TRIM5: variants seen among roughly 807,000 people sequenced by gnomAD.
TRIM5 encodes tripartite motif containing 5, also known as tripartite motif-containing protein 5.
A neutral mutation model predicts 35.6 loss-of-function variants in TRIM5; 31 were observed. The ratio of observed to expected loss-of-function variants is 0.87; its 90% CI spans 0.65 to 1.18. The LOEUF (loss-of-function observed/expected upper bound fraction) is 1.18, where lower values mean the gene tolerates loss of function less well. Among genes scored for constraint, TRIM5 ranks in the 50% most tolerant of loss-of-function variants. The probability of loss-of-function intolerance (pLI) is 0.00; values close to 1 mark genes in which losing one functional copy is unlikely to be tolerated. For synonymous variants in TRIM5, 243 were observed against 215.6 expected (o/e 1.13, Z -1.11); for missense variants, 609 against 591.6 (o/e 1.03, Z -0.31).
At chr11:5,656,107 G>A in the TRIM5 span, among the ~76,000 whole-genome samples, 1 of 152,170 alleles carries the variant, frequency 6.6e-6, no homozygotes, top group Non-Finnish European at 1.5e-5. Context: ...AAGACTTCAT[G>A]ACTAAAACAC....
At chr11:5,665,710 A>G (rs1851079958) in intron 6 of TRIM5, 28 bp from the exon 7 acceptor site, 4 of 1,493,258 alleles carry the variant, frequency 2.7e-6, no homozygotes, top group Non-Finnish European at 3.5e-6. Context: ...CACAATATTG[A>G]ATACAAACAA....
the TRIM5 span, among the ~76,000 whole-genome samples, chr11:5,609,909 C>T: frequency 0.076 from 11,499 of 151,798 alleles, 633 homozygotes; most frequent in East Asian, 0.23. Context: ...GGTGACAGAG[C>T]GAGACTCCTT....
At chr11:5,627,878 T>C in the TRIM5 span, among the ~76,000 whole-genome samples, 20 of 152,252 alleles carry the variant, frequency 1.3e-4, no homozygotes, top group African/African-American at 4.8e-4. Flanking sequence ...AGAGACACTC[T>C]AATTTTACTA....
chr11:5,641,360 A>G, the TRIM5 span: 2 of 1,441,572 alleles, frequency 1.4e-6, no homozygotes, highest in East Asian at 5.1e-5. Context: ...TTCCGTAACT[A>G]TTAATGGACT....
chr11:5,601,747 G>A, the TRIM5 span, among the ~76,000 whole-genome samples: 1 of 152,196 alleles, frequency 6.6e-6, no homozygotes, highest in Non-Finnish European at 1.5e-5. Context: ...GATAGAGCAA[G>A]ACTCAGTTTC....
chr11:5,637,889 G>C, the TRIM5 span, among the ~76,000 whole-genome samples: 2 of 152,166 alleles, frequency 1.3e-5, no homozygotes, highest in South Asian at 2.1e-4. Context: ...CATAATGCTA[G>C]GGTTTGGGCT....
At chr11:5,595,697 T>G in the TRIM5 span, among the ~76,000 whole-genome samples, 12 of 152,024 alleles carry the variant, frequency 7.9e-5, no homozygotes, top group Non-Finnish European at 1.6e-4. Flanking sequence ...ATGAACAGCT[T>G]TGCGTTGCTA....
At chr11:5,643,585 A>G in the TRIM5 span, 2 of 1,614,082 alleles carry the variant, frequency 1.2e-6, no homozygotes, top group Non-Finnish European at 1.7e-6. Context: ...TCATTTTTCA[A>G]TGTCACAAGC....
chr11:5,626,600 C>T, the TRIM5 span: 1 of 152,094 alleles, frequency 6.6e-6, no homozygotes, highest in African/African-American at 2.4e-5. Flanking sequence ...TGAGTTCTTA[C>T]CAGGCGCGGT....
the TRIM5 span, chr11:5,641,053 T>G: frequency 1.4e-6 from 2 of 1,399,708 alleles, no homozygotes; most frequent in Non-Finnish European, 1.9e-6. Flanking sequence ...TGTTGACATT[T>G]TCATATAACT....
intron 4 of TRIM5, among the ~76,000 whole-genome samples, chr11:5,669,657 C>A (rs565087408): frequency 6.6e-6 from 1 of 152,178 alleles, no homozygotes; most frequent in Non-Finnish European, 1.5e-5. Context: ...AGGGTAATTA[C>A]AATTTCAGTC....
chr11:5,646,106 AATATAC>A, the TRIM5 span, among the ~76,000 whole-genome samples: 1 of 149,286 alleles, frequency 6.7e-6, no homozygotes, highest in Non-Finnish European at 1.5e-5. Flanking sequence ...ATATTATATA[AATATAC>A]ATATACACAC....
chr11:5,660,975 GA>G (rs1850794150), downstream of TRIM5, among the ~76,000 whole-genome samples: 1 of 137,420 alleles, frequency 7.3e-6, no homozygotes, highest in African/African-American at 2.6e-5. Context: ...CCAGGAGGTG[GA>G]GGTTGCAGTG....
At chr11:5,590,635 G>A in the TRIM5 span, 1 of 152,094 alleles carries the variant, frequency 6.6e-6, no homozygotes, top group African/African-American at 2.4e-5. Flanking sequence ...CAGACCACTG[G>A]GCTCTACCAA....
At chr11:5,601,714 T>C in the TRIM5 span, among the ~76,000 whole-genome samples, 5 of 152,026 alleles carry the variant, frequency 3.3e-5, no homozygotes, top group African/African-American at 1.2e-4. Context: ...GCCGAGATAG[T>C]GCCACTGCCC....
chr11:5,593,944 C>T, the TRIM5 span, among the ~76,000 whole-genome samples: 1 of 152,202 alleles, frequency 6.6e-6, no homozygotes, highest in Non-Finnish European at 1.5e-5. Flanking sequence ...CAGTATTCCA[C>T]TGTATTGGGT....
At chr11:5,641,286 C>A in the TRIM5 span, 1 of 1,588,704 alleles carries the variant, frequency 6.3e-7, no homozygotes, top group East Asian at 2.3e-5. Flanking sequence ...AAAAATCTCC[C>A]AGAGTAGTAA....
At chr11:5,681,262 G>A (rs2343225) in intron 1 of TRIM5, among the ~76,000 whole-genome samples, 3,151 of 152,170 alleles carry the variant, frequency 0.021, 100 homozygotes, top group African/African-American at 0.07. Flanking sequence ...TGCTTCTTGC[G>A]GCCCAATAAC....
rs747784028 is a variant in TRIM5 at position 5,685,040 on chromosome 11, A to C, written c.-234T>G. The C allele has an allele frequency of 1.3e-5, 2 of 152,336 alleles. No homozygotes were observed. Among genetic ancestry groups the C allele is most frequent in the East Asian group, 3.9e-4 (2 of 5,186 alleles). The allele number at this position is 152,336 out of a possible 1,614,324, so 9.4% of individuals were successfully genotyped here. A position where few individuals can be genotyped will look rare whatever the true frequency, so the allele number is the denominator to read the frequency against. ...CCAATCCACGGGCCTGATCTGCACA[A>C]AGGAATTTTCCTAGAGGAACCGCAG... On this transcript the variant is annotated 5_prime_UTR_variant, in exon 1 of 8. Transcript: ENST00000380034.
Sources: gnomAD v4.1 joint callset for allele counts (sites outside exome capture counted in the v4.1 genomes callset) on GRCh38, gnomAD v4.1.1 for gene constraint, MANE v1.5 for transcripts, NCBI Gene and HGNC (gene_info 2026-07-23, HGNC 2026-07-21) for gene names.